The following FSD1L variants were observed in gnomAD, a reference collection of about 807,000 sequenced individuals.
FSD1L encodes the protein FSD1-like protein.
A neutral mutation model predicts 71.6 loss-of-function variants in FSD1L; 45 were observed. The ratio of observed to expected loss-of-function variants is 0.63; its 90% CI spans 0.49 to 0.81. The LOEUF is 0.81. Ranked by LOEUF, FSD1L falls within the 30% of genes least tolerant of loss-of-function variation. The pLI is 0.00. For synonymous variants in FSD1L, 197 were observed against 207.2 expected (o/e 0.95, Z 0.42); for missense variants, 561 against 618.1 (o/e 0.91, Z 0.98).
intron 3 of FSD1L, 87 bp downstream of exon 3, chr9:105,464,418 A>G (rs1830921589): frequency 1.7e-6 from 1 of 582,648 alleles, no homozygotes; most frequent in Non-Finnish European, 3.0e-6. Context: ...ATTTTGGGTT[A>G]TAAACTAATG....
intron 10 of FSD1L, among the ~76,000 whole-genome samples, chr9:105,516,357 T>G (rs1834722291): frequency 6.6e-6 from 1 of 152,114 alleles, no homozygotes. Flanking sequence ...TCAGACTGCC[T>G]CCTCAAGTGG....
At chr9:105,480,294 C>CTTT (rs202199417) in intron 6 of FSD1L, among the ~76,000 whole-genome samples, 12 of 140,184 alleles carry the variant, frequency 8.6e-5, no homozygotes, top group African/African-American at 2.6e-4. Flanking sequence ...CTGGGTTTCT[C>CTTT]TTTTTTTTTT....
rs577560456 is a variant in FSD1L, at chr9:105,460,763, G to A, written c.16-757G>A. On this transcript the variant is annotated intron_variant, in intron 1 of 13. Transcript: ENST00000481272. ...CTTGTTTTTGTTAGCTGCCAACTTT[G>A]ACGTGGACATTTGCACTTTCTGTGA... Among the ~76,000 whole-genome samples, 56 of 152,190 alleles carry A rather than the reference G, an allele frequency of 3.7e-4. 1 individual carries two copies. The highest frequency in any genetic ancestry group is 1.3e-3 in the African/African-American group (55 of 41,518).
At chr9:105,495,255 T>G (rs1833285170) in intron 7 of FSD1L, among the ~76,000 whole-genome samples, 1 of 152,218 alleles carries the variant, frequency 6.6e-6, no homozygotes, top group African/African-American at 2.4e-5. Context: ...GATCTCAGAC[T>G]GCTGTGCTAG....
At chr9:105,525,400 G>C in intron 10 of FSD1L, 1 of 1,605,330 alleles carries the variant, frequency 6.2e-7, no homozygotes, top group Non-Finnish European at 8.5e-7. Flanking sequence ...TGAAAAACAA[G>C]AAAGTGATGT....
chr9:105,506,613 CAT>C lies in FSD1L; in HGVS notation c.796+6_796+7del. The C allele has an allele frequency of 6.6e-7, 1 of 1,508,176 alleles. No individual in the cohort carries two copies. Among genetic ancestry groups the C allele is most frequent in the South Asian group, 1.2e-5 (1 of 82,976 alleles). 93.4% of individuals were successfully genotyped at this position (1,508,176 alleles called of 1,614,324 possible). A position where few individuals can be genotyped will look rare whatever the true frequency, so the allele number is the denominator to read the frequency against. On this transcript the variant is annotated splice_donor_region_variant and intron_variant, in intron 8 of 13. Coordinates refer to ENST00000481272, the MANE Select transcript of FSD1L (RefSeq NM_001145313.3). ...GTACTGAATATACACTATCAGGTAACATGACTGCATTTTAGGACTCTCATTCT... is the reference window on the plus strand; with the variant it reads ...GTACTGAATATACACTATCAGGTAACGACTGCATTTTAGGACTCTCATTCT...
At position 105,547,415 on chromosome 9, in the gene FSD1L, A is replaced by AT. The variant is rs891015505; in HGVS notation, c.*937dup. ...AGGATTGAAAAATGTATATCACTCAATTTTTATCTAAGAAGGATAGGTTAT... is the reference window on the plus strand; with the variant it reads ...AGGATTGAAAAATGTATATCACTCAATTTTTTATCTAAGAAGGATAGGTTAT... On this transcript the variant is annotated 3_prime_UTR_variant, in exon 14 of 14. Coordinates refer to ENST00000481272, the MANE Select transcript of FSD1L (RefSeq NM_001145313.3). The AT allele has an allele frequency of 1.6e-4, 24 of 152,558 alleles. No individual in the cohort carries two copies. Among genetic ancestry groups the AT allele is most frequent in the African/African-American group, 5.3e-4 (22 of 41,532 alleles). The allele number at this position is 152,558 out of a possible 1,614,324, so 9.5% of individuals were successfully genotyped here. A position where few individuals can be genotyped will look rare whatever the true frequency, so the allele number is the denominator to read the frequency against.
intron 7 of FSD1L, among the ~76,000 whole-genome samples, chr9:105,502,163 G>A (rs911507992): frequency 7.2e-5 from 11 of 151,910 alleles, no homozygotes; most frequent in Non-Finnish European, 1.5e-4. Flanking sequence ...TTCTTTAATT[G>A]TCTAGCTGTG....
At chr9:105,508,583 T>C (rs1834207484) in intron 8 of FSD1L, 34 bp from the exon 9 acceptor site, 3 of 1,252,208 alleles carry the variant, frequency 2.4e-6, no homozygotes, top group African/African-American at 3.0e-5. Flanking sequence ...TCCTTTACTG[T>C]ACATGTCTGA....
In FSD1L at chr9:105,535,236, T is replaced by C. The variant is rs1836191734; in HGVS notation, c.1296T>C (p.Phe432=). 6.4e-7 allele frequency: 1 copy of C among 1,551,878 alleles called. No homozygotes were observed. The highest frequency in any genetic ancestry group is 8.7e-7 in the Non-Finnish European group (1 of 1,146,994). Residue 432 remains phenylalanine, a synonymous_variant, in exon 12 of 14, where the codon TTT becomes TTC. Transcript: ENST00000481272. The part of the protein sequence containing the change: ...IHVNNWLQNT[F]AAKHNNKVKA... ...TCAACAACTGGCTACAAAACACATT[T>C]GCAGCAAAGCATAATAATAAAGTCA...
chr9:105,456,311 T>C (rs1588913723), intron 1 of FSD1L, among the ~76,000 whole-genome samples: 2 of 152,328 alleles, frequency 1.3e-5, no homozygotes, highest in Admixed American at 1.3e-4. Context: ...AACTTCTCCA[T>C]GCGTCAGCTT....
At position 105,547,843 on chromosome 9, in the gene FSD1L, T is replaced by G. The variant is rs556301245; in HGVS notation, c.*1360T>G. ...GTATTTTTCTTCATTTTTGAAACTT[T>G]ACATTTGTTGACTTTTTTTCATTCT... On this transcript the variant is annotated 3_prime_UTR_variant, in exon 14 of 14. Transcript: ENST00000481272. 1.3e-5 allele frequency: 2 copies of G among 152,134 alleles called. No individual in the cohort carries two copies. The highest frequency in any genetic ancestry group is 2.9e-5 in the Non-Finnish European group (2 of 67,970). 9.4% of individuals were successfully genotyped at this position (152,134 alleles called of 1,614,324 possible). A position where few individuals can be genotyped will look rare whatever the true frequency, so the allele number is the denominator to read the frequency against.
At chr9:105,542,687 C>T (rs906477549) in intron 13 of FSD1L, among the ~76,000 whole-genome samples, 3 of 152,172 alleles carry the variant, frequency 2.0e-5, no homozygotes, top group Admixed American at 6.5e-5. Flanking sequence ...AAGTCCTGGG[C>T]TCAAATGATC....
chr9:105,526,204 C>T, intron 10 of FSD1L: 1 of 1,596,478 alleles, frequency 6.3e-7, no homozygotes, highest in Non-Finnish European at 8.6e-7. Flanking sequence ...TCTGAAATCT[C>T]TGATTCCATT....
chr9:105,478,053 T>C (rs1309852858), intron 5 of FSD1L, among the ~76,000 whole-genome samples: 1 of 152,094 alleles, frequency 6.6e-6, no homozygotes, highest in Non-Finnish European at 1.5e-5. Context: ...GACTGTCTTG[T>C]CTAACATGGT....
chr9:105,509,404 G>GT (rs1834269632), intron 9 of FSD1L, among the ~76,000 whole-genome samples: 1 of 152,136 alleles, frequency 6.6e-6, no homozygotes, highest in African/African-American at 2.4e-5. Flanking sequence ...ACTCCCTAGA[G>GT]TAGCAGACTT....
chr9:105,475,934 T>C (rs1258615482), intron 5 of FSD1L, among the ~76,000 whole-genome samples: 1 of 152,106 alleles, frequency 6.6e-6, no homozygotes, highest in African/African-American at 2.4e-5. Flanking sequence ...CAAAGACATA[T>C]TTTTGCCTAA....
At chr9:105,469,238 A>G (rs1463550305) in intron 4 of FSD1L, among the ~76,000 whole-genome samples, 2 of 152,220 alleles carry the variant, frequency 1.3e-5, no homozygotes, top group Non-Finnish European at 2.9e-5. Flanking sequence ...GGGGGTTTAA[A>G]TATCTCTTTG....
At chr9:105,470,995 A>G (rs1293735913) in intron 4 of FSD1L, among the ~76,000 whole-genome samples, 1 of 152,158 alleles carries the variant, frequency 6.6e-6, no homozygotes, top group African/African-American at 2.4e-5. Context: ...TTAAGCATCC[A>G]GTTGCTTAAT....
Sources: allele counts gnomAD v4.1 joint callset (sites outside exome capture counted in the v4.1 genomes callset), GRCh38; gene constraint gnomAD v4.1.1; transcripts MANE v1.5; gene names NCBI Gene and HGNC (gene_info 2026-07-23, HGNC 2026-07-21).